Variants in FBXO15 observed in about 807,000 individuals in gnomAD.
The protein encoded by FBXO15 is F-box only protein 15.
Under a neutral mutation model 49.5 loss-of-function variants are expected in FBXO15, and 30 were observed. That is an observed-to-expected ratio of 0.61 (90% CI 0.45 to 0.82). The LOEUF (loss-of-function observed/expected upper bound fraction) is 0.82, where lower values mean the gene tolerates loss of function less well. Among genes scored for constraint, FBXO15 ranks in the 40% least tolerant of loss-of-function variants. FBXO15 has a pLI of 0.00. For synonymous variants in FBXO15, 250 were observed against 232.7 expected (o/e 1.07, Z -0.68); for missense variants, 591 against 631.5 (o/e 0.94, Z 0.69).
At chr18:74,117,736 C>T (rs1568171511) in intron 8 of FBXO15, among the ~76,000 whole-genome samples, 1 of 152,228 alleles carries the variant, frequency 6.6e-6, no homozygotes, top group Admixed American at 6.5e-5. Context: ...TTAGCAGAAA[C>T]CTATAATGAG....
chr18:74,087,748 T>TAATTCCTAG (rs923988106), intron 8 of FBXO15, among the ~76,000 whole-genome samples: 1 of 152,208 alleles, frequency 6.6e-6, no homozygotes, highest in African/African-American at 2.4e-5. Flanking sequence ...GATTGCTAGG[T>TAATTCCTAG]CAAATGGTAA....
chr18:74,096,243 G>C (rs1913267320), intron 8 of FBXO15, among the ~76,000 whole-genome samples: 1 of 152,034 alleles, frequency 6.6e-6, no homozygotes, highest in Non-Finnish European at 1.5e-5. Context: ...CCCAGCCCTG[G>C]AAATGCAGCT....
chr18:74,109,924 C>T (rs567404776), intron 8 of FBXO15, among the ~76,000 whole-genome samples: 12 of 151,786 alleles, frequency 7.9e-5, no homozygotes, highest in African/African-American at 2.9e-4. Flanking sequence ...CACATGTATA[C>T]CTATGTAACA....
In FBXO15 at chr18:74,073,856, T is replaced by C. The variant is rs138360128; in HGVS notation, c.1264-126A>G. 1.5e-3 allele frequency: 1,874 copies of C among 1,230,522 alleles called. 3 individuals carry two copies. The highest frequency in any genetic ancestry group is 2.8e-3 in the Admixed American group (115 of 40,868). 76.2% of individuals were successfully genotyped at this position (1,230,522 alleles called of 1,614,324 possible). Reference sequence around the variant, plus strand: ...GGCATCAAAATCCAGAATACTATCATTGGTTTTTCATGGCCTACTTCATAA... The same window carrying C: ...GGCATCAAAATCCAGAATACTATCACTGGTTTTTCATGGCCTACTTCATAA... On this transcript the variant is annotated intron_variant, in intron 9 of 9. Transcript: ENST00000419743.
intron 8 of FBXO15, among the ~76,000 whole-genome samples, chr18:74,109,650 T>C (rs1199353241): frequency 6.6e-6 from 1 of 152,034 alleles, no homozygotes; most frequent in African/African-American, 2.4e-5. Context: ...TATGCAGCCA[T>C]AAAAAAGGAT....
Position 74,118,210 on chromosome 18 carries a change from G to A in FBXO15, c.1138+5158C>T, listed in dbSNP as rs114582381. 5.5e-3 allele frequency among the ~76,000 whole-genome samples: 831 copies of A among 152,016 alleles called. 9 individuals carry two copies. Among genetic ancestry groups the A allele is most frequent in the African/African-American group, 0.019 (785 of 41,456 alleles). ...GGCCGGGTTTCACCATGATGCCCAG[G>A]CTGGTCTGGAACTTCTGGGCTGAAG... On this transcript the variant is annotated intron_variant, in intron 8 of 9. Transcript: ENST00000419743.
At chr18:74,118,577 A>G (rs1406388845) in intron 8 of FBXO15, among the ~76,000 whole-genome samples, 5 of 152,110 alleles carry the variant, frequency 3.3e-5, no homozygotes, top group Non-Finnish European at 5.9e-5. Flanking sequence ...ACTGTACAGG[A>G]GTTCTCTGTA....
intron 8 of FBXO15, among the ~76,000 whole-genome samples, chr18:74,105,875 A>G (rs1036133222): frequency 6.6e-6 from 1 of 152,236 alleles, no homozygotes; most frequent in African/African-American, 2.4e-5. Flanking sequence ...AAATTAATAC[A>G]GATTTAATAT....
At chr18:74,078,337 C>G (rs72970731) in intron 9 of FBXO15, among the ~76,000 whole-genome samples, 1 of 148,936 alleles carries the variant, frequency 6.7e-6, no homozygotes, top group South Asian at 2.2e-4. Flanking sequence ...AGGCCCCCCC[C>G]CGACCTGCCC....
intron 8 of FBXO15, among the ~76,000 whole-genome samples, chr18:74,105,104 C>A (rs2145152436): frequency 6.6e-6 from 1 of 152,118 alleles, no homozygotes; most frequent in Middle Eastern, 3.4e-3. Flanking sequence ...TATGTGGGAG[C>A]TTAAAATGTG....
At chr18:74,126,874 T>A (rs903932180) in intron 5 of FBXO15, among the ~76,000 whole-genome samples, 1 of 152,270 alleles carries the variant, frequency 6.6e-6, no homozygotes, top group Non-Finnish European at 1.5e-5. Flanking sequence ...CCTAGTCCCA[T>A]GTTCAGCTCT....
At chr18:74,116,496 CATACAG>C (rs1914234306) in intron 8 of FBXO15, among the ~76,000 whole-genome samples, 1 of 151,176 alleles carries the variant, frequency 6.6e-6, no homozygotes, top group Non-Finnish European at 1.5e-5. Context: ...TGGAAATGTC[CATACAG>C]AATGACCAAA....
chr18:74,131,276 T>C (rs554974928), intron 3 of FBXO15, among the ~76,000 whole-genome samples: 8 of 152,358 alleles, frequency 5.3e-5, no homozygotes, highest in African/African-American at 1.9e-4. Context: ...ATGACTCATT[T>C]ATTCCTCAGA....
At chr18:74,139,762 T>C (rs1345083067) in intron 2 of FBXO15, among the ~76,000 whole-genome samples, 3 of 152,200 alleles carry the variant, frequency 2.0e-5, no homozygotes, top group African/African-American at 7.2e-5. Context: ...AACATAATAA[T>C]TTTTTAAAGC....
chr18:74,105,823 G>A (rs1913732611), intron 8 of FBXO15, among the ~76,000 whole-genome samples: 1 of 152,008 alleles, frequency 6.6e-6, no homozygotes, highest in South Asian at 2.1e-4. Flanking sequence ...GTCTGTAGTT[G>A]GAGGGATAGA....
chr18:74,111,275 A>G (rs1000651430), intron 8 of FBXO15, among the ~76,000 whole-genome samples: 65 of 151,710 alleles, frequency 4.3e-4, no homozygotes, highest in Non-Finnish European at 4.4e-4. Context: ...AAAAAAAAAA[A>G]AAAGAAAAAA....
chr18:74,073,458 C>A lies in FBXO15; in HGVS notation c.*3G>T. 2 of 1,606,472 alleles carry A rather than the reference C, an allele frequency of 1.2e-6. No individual in the cohort carries two copies. The highest frequency in any genetic ancestry group is 1.7e-6 in the Non-Finnish European group (2 of 1,175,590). ...AATAACAACAATAATTTGCCACCTACTGCTAATATTCAGTCCCAAACCAAT... is the reference window on the plus strand; with the variant it reads ...AATAACAACAATAATTTGCCACCTAATGCTAATATTCAGTCCCAAACCAAT... On this transcript the variant is annotated 3_prime_UTR_variant, in exon 10 of 10. Coordinates refer to ENST00000419743, the MANE Select transcript of FBXO15 (RefSeq NM_001142958.2).
At chr18:74,136,717 T>A (rs1312330111) in intron 2 of FBXO15, among the ~76,000 whole-genome samples, 1 of 152,182 alleles carries the variant, frequency 6.6e-6, no homozygotes, top group Non-Finnish European at 1.5e-5. Context: ...CAGAATTCTA[T>A]AAAACACAGT....
chr18:74,114,929 A>G (rs928832112), intron 8 of FBXO15, among the ~76,000 whole-genome samples: 5 of 152,226 alleles, frequency 3.3e-5, no homozygotes, highest in African/African-American at 9.6e-5. Flanking sequence ...AAAAAAAGAA[A>G]GGACACAGAT....
Sources: allele counts gnomAD v4.1 joint callset (sites outside exome capture counted in the v4.1 genomes callset), GRCh38; gene constraint gnomAD v4.1.1; transcripts MANE v1.5; gene names NCBI Gene and HGNC (gene_info 2026-07-23, HGNC 2026-07-21).